FOXN2: variants seen among roughly 807,000 people sequenced by gnomAD.
FOXN2 encodes forkhead box N2, also known as forkhead box protein N2.
Under a neutral mutation model 41.2 loss-of-function variants are expected in FOXN2, and 19 were observed. The observed-to-expected ratio is 0.46, with a 90% confidence interval of 0.32 to 0.68. The LOEUF is 0.68. Ranked by LOEUF, FOXN2 falls within the 30% of genes least tolerant of loss-of-function variation. The probability of loss-of-function intolerance (pLI) is 0.03; values close to 1 mark genes in which losing one functional copy is unlikely to be tolerated. For synonymous variants in FOXN2, 195 were observed against 176.8 expected (o/e 1.10, Z -0.82); for missense variants, 587 against 509.4 (o/e 1.15, Z -1.47).
intron 1 of FOXN2, among the ~76,000 whole-genome samples, chr2:48,325,723 A>G (rs1049641629): frequency 6.6e-6 from 1 of 152,174 alleles, no homozygotes; most frequent in Admixed American, 6.5e-5. Context: ...TAGTCAGGAA[A>G]GATATGTATT....
rs1252000350 is a variant in FOXN2, at chr2:48,376,517, C to A, written c.*1074C>A. The A allele has an allele frequency of 1.3e-5, 2 of 152,416 alleles. No homozygotes were observed. The highest frequency in any genetic ancestry group is 4.8e-5 in the African/African-American group (2 of 41,414). The allele number at this position is 152,416 out of a possible 1,614,324, so 9.4% of individuals were successfully genotyped here. A position where few individuals can be genotyped will look rare whatever the true frequency, so the allele number is the denominator to read the frequency against. On this transcript the variant is annotated 3_prime_UTR_variant, in exon 7 of 7. Coordinates refer to ENST00000340553, the MANE Select transcript of FOXN2 (RefSeq NM_002158.4). ...TAGATTTAATGCAATTTTACAGACA[C>A]AATACCTTCATGAATTTCAAAATTC...
At chr2:48,351,151 AG>A (rs1671421205) in intron 3 of FOXN2, among the ~76,000 whole-genome samples, 1 of 152,030 alleles carries the variant, frequency 6.6e-6, no homozygotes, top group African/African-American at 2.4e-5. Context: ...TAGTAGAGAC[AG>A]GGTTTTGCCA....
intron 5 of FOXN2, among the ~76,000 whole-genome samples, chr2:48,366,549 G>C (rs1242858687): frequency 1.3e-5 from 2 of 152,118 alleles, no homozygotes; most frequent in Non-Finnish European, 2.9e-5. Flanking sequence ...GCGTGGGCAA[G>C]GCAAATGTAG....
At chr2:48,372,990 C>T (rs563310591) in intron 5 of FOXN2, among the ~76,000 whole-genome samples, 1 of 150,828 alleles carries the variant, frequency 6.6e-6, no homozygotes, top group South Asian at 2.1e-4. Flanking sequence ...GGAAACCTTA[C>T]TGAAATACAG....
At chr2:48,344,931 CT>C (rs1156372324) in intron 2 of FOXN2, among the ~76,000 whole-genome samples, 1 of 148,260 alleles carries the variant, frequency 6.7e-6, no homozygotes, top group African/African-American at 2.5e-5. Flanking sequence ...AATGAGTTAT[CT>C]TTATGAGCCA....
At chr2:48,338,574 T>G (rs1670525378) in intron 2 of FOXN2, among the ~76,000 whole-genome samples, 2 of 152,050 alleles carry the variant, frequency 1.3e-5, no homozygotes, top group Non-Finnish European at 2.9e-5. Flanking sequence ...GCTAATTTTC[T>G]GTATTTTTAG....
intron 5 of FOXN2, 31 bp from the exon 6 acceptor site, chr2:48,373,261 A>T (rs756372837): frequency 6.8e-7 from 1 of 1,474,998 alleles, no homozygotes; most frequent in African/African-American, 1.4e-5. Flanking sequence ...TTTATAAAGA[A>T]CATTAATATT....
At chr2:48,356,201 G>A (rs1273543354) in intron 3 of FOXN2, among the ~76,000 whole-genome samples, 1 of 152,160 alleles carries the variant, frequency 6.6e-6, no homozygotes, top group Non-Finnish European at 1.5e-5. Context: ...CAACACTTTG[G>A]GAGCCGAGGC....
chr2:48,375,398 A>G lies in FOXN2; in HGVS notation c.1251A>G (p.Leu417=), dbSNP rs760072258. The part of the protein sequence containing the change: ...LAGIRTCLGS[L]ISTAKTQNQK... ...GAATTCGTACATGTTTAGGTTCCCT[A>G]ATAAGTACTGCAAAGACACAAAATC... is the stretch of plus-strand genomic sequence containing the variant. The change falls in exon 7 of 7, where the codon CTA becomes CTG. Residue 417 remains leucine, a synonymous_variant. Coordinates refer to ENST00000340553, the MANE Select transcript of FOXN2 (RefSeq NM_002158.4). 2 of 1,613,468 alleles carry G rather than the reference A, an allele frequency of 1.2e-6. No individual in the cohort carries two copies. The highest frequency in any genetic ancestry group is 2.2e-5 in the East Asian group (1 of 44,806).
chr2:48,343,879 A>G (rs1250451915), intron 2 of FOXN2, among the ~76,000 whole-genome samples: 1 of 152,194 alleles, frequency 6.6e-6, no homozygotes, highest in African/African-American at 2.4e-5. Flanking sequence ...AGCCTATGAC[A>G]TAGAATCTGT....
At chr2:48,344,388 C>T (rs558022513) in intron 2 of FOXN2, among the ~76,000 whole-genome samples, 6 of 152,156 alleles carry the variant, frequency 3.9e-5, no homozygotes, top group African/African-American at 1.2e-4. Context: ...GGATTTGAGT[C>T]ATTGGTGCTC....
intron 6 of FOXN2, 92 bp from the exon 7 acceptor site, chr2:48,374,828 T>G (rs761342413): frequency 1.7e-5 from 18 of 1,038,178 alleles, no homozygotes; most frequent in Non-Finnish European, 2.5e-5. Flanking sequence ...TCTAAAACAT[T>G]TGTTGCTCAA....
At chr2:48,356,026 GA>G (rs1671768184) in intron 3 of FOXN2, among the ~76,000 whole-genome samples, 1 of 152,162 alleles carries the variant, frequency 6.6e-6, no homozygotes, top group Non-Finnish European at 1.5e-5. Flanking sequence ...CTGGTAGGTT[GA>G]GACACGACAA....
intron 5 of FOXN2, 69 bp from the exon 6 acceptor site, chr2:48,373,223 G>T: frequency 2.8e-6 from 3 of 1,058,010 alleles, no homozygotes; most frequent in South Asian, 1.4e-5. Context: ...ATCTTCAGGG[G>T]CATGCAAATA....
intron 2 of FOXN2, among the ~76,000 whole-genome samples, chr2:48,344,685 A>T (rs60743061): frequency 0.12 from 18,475 of 152,170 alleles, 1,324 homozygotes; most frequent in African/African-American, 0.2. Flanking sequence ...TTCTGGTGGT[A>T]GCTCCCAGAA....
At chr2:48,319,471 A>C (rs1669144767) in intron 1 of FOXN2, among the ~76,000 whole-genome samples, 3 of 152,072 alleles carry the variant, frequency 2.0e-5, no homozygotes, top group Admixed American at 1.3e-4. Context: ...TTGAGTAAAG[A>C]TTTCAGTTAA....
In FOXN2 at chr2:48,375,509, G is replaced by A. The variant is rs1305327784; in HGVS notation, c.*66G>A. ...TACAAGGGATATCAAAGCCATAATG[G>A]ACTTCATTAGTTTTAGGGTAGGGAA... On this transcript the variant is annotated 3_prime_UTR_variant, in exon 7 of 7. Coordinates refer to ENST00000340553, the MANE Select transcript of FOXN2 (RefSeq NM_002158.4). 1 of 1,410,714 alleles carries A rather than the reference G, an allele frequency of 7.1e-7. No homozygotes were observed. The highest frequency in any genetic ancestry group is 1.4e-5 in the South Asian group (1 of 71,182). The allele number at this position is 1,410,714 out of a possible 1,614,324, so 87.4% of individuals were successfully genotyped here.
chr2:48,318,836 G>C (rs1669104534), intron 1 of FOXN2, among the ~76,000 whole-genome samples: 1 of 152,092 alleles, frequency 6.6e-6, no homozygotes, highest in Non-Finnish European at 1.5e-5. Context: ...TTCGTTAACA[G>C]TTTATAAACA....
intron 2 of FOXN2, among the ~76,000 whole-genome samples, chr2:48,342,692 CG>C (rs1670853903): frequency 6.6e-6 from 1 of 152,108 alleles, no homozygotes; most frequent in South Asian, 2.1e-4. Flanking sequence ...GCTCTGTCTA[CG>C]GTCATAGCAC....
Sources: allele counts gnomAD v4.1 joint callset (sites outside exome capture counted in the v4.1 genomes callset), GRCh38; gene constraint gnomAD v4.1.1; transcripts MANE v1.5; gene names NCBI Gene and HGNC (gene_info 2026-07-23, HGNC 2026-07-21).